KCNH8: variants seen among roughly 807,000 people sequenced by gnomAD.
KCNH8 encodes the protein potassium voltage-gated channel subfamily H member 8.
KCNH8 carries 70 observed loss-of-function variants against 103.6 expected under a neutral mutation model. The observed-to-expected ratio is 0.68, with a 90% CI of 0.56 to 0.82. The LOEUF (loss-of-function observed/expected upper bound fraction) is 0.82, where lower values mean the gene tolerates loss of function less well. Among genes scored for constraint, KCNH8 ranks in the 40% least tolerant of loss-of-function variants. KCNH8 has a pLI of 0.00. For synonymous variants in KCNH8, 498 were observed against 489.4 expected (o/e 1.02, Z -0.23); for missense variants, 1,217 against 1,329.9 (o/e 0.92, Z 1.32).
At chr3:19,152,321 A>G (rs925080763) in intron 1 of KCNH8, among the ~76,000 whole-genome samples, 14 of 152,186 alleles carry the variant, frequency 9.2e-5, no homozygotes, top group Non-Finnish European at 4.4e-5. Context: ...TTTTAGTACA[A>G]TTGTTTGTCA....
At chr3:19,337,289 A>T (rs937057136) in intron 3 of KCNH8, among the ~76,000 whole-genome samples, 1 of 152,134 alleles carries the variant, frequency 6.6e-6, no homozygotes, top group African/African-American at 2.4e-5. Context: ...AAGAACCAAG[A>T]CAAAGTTCCT....
chr3:19,204,985 A>G (rs972397068), intron 1 of KCNH8, among the ~76,000 whole-genome samples: 1 of 151,978 alleles, frequency 6.6e-6, no homozygotes, highest in Non-Finnish European at 1.5e-5. Context: ...TCCTATACCT[A>G]TTAGGGGGCA....
chr3:19,323,609 G>A (rs1276919714), intron 3 of KCNH8, among the ~76,000 whole-genome samples: 4 of 152,072 alleles, frequency 2.6e-5, no homozygotes, highest in Admixed American at 6.6e-5. Context: ...TTGATTTTCT[G>A]GTTCCTTCTC....
intron 3 of KCNH8, among the ~76,000 whole-genome samples, chr3:19,291,259 T>A (rs2064921031): frequency 6.6e-6 from 1 of 152,228 alleles, no homozygotes; most frequent in Non-Finnish European, 1.5e-5. Flanking sequence ...TCTACTCTGA[T>A]CTTAGTTATT....
intron 11 of KCNH8, among the ~76,000 whole-genome samples, chr3:19,492,673 T>C (rs1470322546): frequency 6.6e-6 from 1 of 152,156 alleles, no homozygotes; most frequent in Non-Finnish European, 1.5e-5. Flanking sequence ...GGCTCTTTTT[T>C]TGGTTCCATA....
intron 3 of KCNH8, among the ~76,000 whole-genome samples, chr3:19,317,059 C>A (rs2125301091): frequency 6.6e-6 from 1 of 151,908 alleles, no homozygotes; most frequent in Admixed American, 6.6e-5. Context: ...CATAGATAAT[C>A]TGTTCTATTC....
intron 1 of KCNH8, among the ~76,000 whole-genome samples, chr3:19,201,457 G>A (rs1575432497): frequency 6.6e-6 from 1 of 151,876 alleles, no homozygotes; most frequent in Non-Finnish European, 1.5e-5. Flanking sequence ...TCTCCTCCAA[G>A]GATGCTGTAT....
chr3:19,412,452 T>A (rs2066795203), intron 7 of KCNH8, among the ~76,000 whole-genome samples: 1 of 152,156 alleles, frequency 6.6e-6, no homozygotes, highest in Non-Finnish European at 1.5e-5. Flanking sequence ...GAAGAAAACC[T>A]AGAACACACC....
In KCNH8 at chr3:19,517,642, T is replaced by A. The variant is rs1172011569; in HGVS notation, c.2543-356T>A. Among the ~76,000 whole-genome samples the A allele has an allele frequency of 4.6e-5, 7 of 152,092 alleles. No homozygotes were observed. The South Asian group carries it at 1.2e-3, about 27-fold the overall frequency. Reference sequence around the variant, plus strand: ...AACGAGAGAAGAAAAATAATATCCCTTTTCTATGGCTTGAGCACTGACTAT... The same window carrying A: ...AACGAGAGAAGAAAAATAATATCCCATTTCTATGGCTTGAGCACTGACTAT... On this transcript the variant is annotated intron_variant, in intron 14 of 15. Coordinates refer to ENST00000328405, the MANE Select transcript of KCNH8 (RefSeq NM_144633.3).
At chr3:19,160,930 G>A (rs540664006) in intron 1 of KCNH8, among the ~76,000 whole-genome samples, 6 of 152,102 alleles carry the variant, frequency 3.9e-5, no homozygotes, top group Non-Finnish European at 8.8e-5. Flanking sequence ...GGTGATGCTA[G>A]TGATTCGGCA....
Position 19,511,778 on chromosome 3 carries a change from A to C in KCNH8, c.2080-1192A>C, listed in dbSNP as rs545607993. Among the ~76,000 whole-genome samples the C allele has an allele frequency of 9.2e-4, 140 of 152,300 alleles. 3 individuals are homozygous for C. The South Asian group carries it at 0.027, about 30-fold the overall frequency. On this transcript the variant is annotated intron_variant, in intron 12 of 15. Coordinates refer to ENST00000328405, the MANE Select transcript of KCNH8 (RefSeq NM_144633.3). The stretch of plus-strand genomic sequence containing the variant: ...CATTTCTTCAAGAAATTTTGAGCCA[A>C]TAAGATTAAAGTACAAGAACTTCAT...
At chr3:19,273,095 T>C (rs1267338711) in intron 2 of KCNH8, among the ~76,000 whole-genome samples, 1 of 152,168 alleles carries the variant, frequency 6.6e-6, no homozygotes, top group Non-Finnish European at 1.5e-5. Context: ...GAGTCCCAGA[T>C]CCTCATAACA....
At chr3:19,498,424 T>G (rs528330691) in intron 11 of KCNH8, among the ~76,000 whole-genome samples, 62 of 152,210 alleles carry the variant, frequency 4.1e-4, no homozygotes, top group Non-Finnish European at 3.5e-4. Context: ...CAGGACCTCT[T>G]GTAAGGCAGG....
chr3:19,367,131 T>G (rs1205348769), intron 5 of KCNH8, among the ~76,000 whole-genome samples: 1 of 151,872 alleles, frequency 6.6e-6, no homozygotes, highest in East Asian at 1.9e-4. Flanking sequence ...TGTCATTCTT[T>G]TCACCTCGTT....
chr3:19,396,233 A>G (rs2066516217), intron 7 of KCNH8, among the ~76,000 whole-genome samples: 1 of 152,012 alleles, frequency 6.6e-6, no homozygotes, highest in African/African-American at 2.4e-5. Context: ...TTTGCATAGG[A>G]GACTGCCAAG....
At chr3:19,420,389 A>G (rs1392882960) in intron 7 of KCNH8, among the ~76,000 whole-genome samples, 1 of 152,190 alleles carries the variant, frequency 6.6e-6, no homozygotes, top group Non-Finnish European at 1.5e-5. Context: ...GCTTATTTTT[A>G]GCAATCTTTC....
chr3:19,499,497 C>T, intron 11 of KCNH8, among the ~76,000 whole-genome samples: 1 of 152,050 alleles, frequency 6.6e-6, no homozygotes, highest in Admixed American at 6.6e-5. Context: ...GTCAGATTCA[C>T]CAAAGTTGAA....
At chr3:19,480,331 C>G (rs1575118068) in intron 11 of KCNH8, among the ~76,000 whole-genome samples, 1 of 152,236 alleles carries the variant, frequency 6.6e-6, no homozygotes, top group East Asian at 1.9e-4. Flanking sequence ...CAAAATCCTT[C>G]CAAAGGTGAA....
intron 11 of KCNH8, among the ~76,000 whole-genome samples, chr3:19,495,962 T>C (rs969864261): frequency 5.3e-5 from 8 of 152,200 alleles, no homozygotes; most frequent in Non-Finnish European, 7.4e-5. Context: ...TTTGTGGCAA[T>C]TGCAAATGAG....
Sources: allele counts gnomAD v4.1 joint callset (sites outside exome capture counted in the v4.1 genomes callset), GRCh38; gene constraint gnomAD v4.1.1; transcripts MANE v1.5; gene names NCBI Gene and HGNC (gene_info 2026-07-23, HGNC 2026-07-21).